The following ELAVL4 variants were observed in gnomAD, a reference collection of about 807,000 sequenced individuals.
ELAVL4 encodes the protein ELAV like RNA binding protein 4.
A neutral mutation model predicts 35.6 loss-of-function variants in ELAVL4; 1 was observed. That is an observed-to-expected ratio of 0.03 (90% CI 0.01 to 0.13). ELAVL4 has a LOEUF of 0.13. Among genes scored for constraint, ELAVL4 ranks in the 10% least tolerant of loss-of-function variants. The pLI, the probability that ELAVL4 is intolerant of heterozygous loss-of-function variation, is 1.00. For synonymous variants in ELAVL4, 156 were observed against 171.0 expected (o/e 0.91, Z 0.69); for missense variants, 267 against 464.9 (o/e 0.57, Z 3.91).
chr1:50,156,316 G>T (rs1675738138), intron 2 of ELAVL4, among the ~76,000 whole-genome samples: 1 of 152,168 alleles, frequency 6.6e-6, no homozygotes, highest in African/African-American at 2.4e-5. Context: ...TACCTTCTTT[G>T]GATGGTACTT....
chr1:50,126,710 A>G (rs2148617456), intron 1 of ELAVL4, among the ~76,000 whole-genome samples: 1 of 152,256 alleles, frequency 6.6e-6, no homozygotes, highest in Middle Eastern at 3.4e-3. Context: ...TTGAAGAGAA[A>G]GAGAGAAAAA....
intron 1 of ELAVL4, among the ~76,000 whole-genome samples, chr1:50,114,284 T>C (rs1370811820): frequency 2.0e-5 from 3 of 152,084 alleles, no homozygotes; most frequent in African/African-American, 7.2e-5. Flanking sequence ...CATTTGAACC[T>C]AGTCTTTACC....
chr1:50,187,905 GGCCA>G, intron 3 of ELAVL4, among the ~76,000 whole-genome samples: 1 of 152,282 alleles, frequency 6.6e-6, no homozygotes, highest in Middle Eastern at 3.4e-3. Flanking sequence ...AGACCAACCT[GGCCA>G]ACATAGTGAA....
chr1:50,127,179 T>C (rs1670082929), intron 1 of ELAVL4, among the ~76,000 whole-genome samples: 1 of 152,104 alleles, frequency 6.6e-6, no homozygotes, highest in Non-Finnish European at 1.5e-5. Context: ...CTCTAAACTC[T>C]CCTAGCACCC....
At chr1:50,127,240 C>T (rs974113373) in intron 1 of ELAVL4, among the ~76,000 whole-genome samples, 7 of 152,070 alleles carry the variant, frequency 4.6e-5, no homozygotes, top group Non-Finnish European at 5.9e-5. Flanking sequence ...GTTGAATTCC[C>T]CATGTACTGC....
intron 2 of ELAVL4, among the ~76,000 whole-genome samples, chr1:50,166,144 G>T (rs888811722): frequency 2.0e-5 from 3 of 151,676 alleles, no homozygotes; most frequent in Non-Finnish European, 4.4e-5. Flanking sequence ...TCACAGACAC[G>T]CCCAGGATCA....
chr1:50,148,560 G>A (rs1236392813), intron 2 of ELAVL4, among the ~76,000 whole-genome samples: 2 of 152,046 alleles, frequency 1.3e-5, no homozygotes, highest in African/African-American at 4.8e-5. Flanking sequence ...TTTTCCAATT[G>A]GGAAAGGACA....
chr1:50,058,190 G>A (rs1346348609), intron 1 of ELAVL4, among the ~76,000 whole-genome samples: 1 of 152,150 alleles, frequency 6.6e-6, no homozygotes, highest in Non-Finnish European at 1.5e-5. Context: ...ACCATGATCT[G>A]CTTTTATAGA....
intron 2 of ELAVL4, among the ~76,000 whole-genome samples, chr1:50,157,265 GTGCATAAAATGGAGA>G (rs1253888281): frequency 6.6e-6 from 1 of 152,140 alleles, no homozygotes; most frequent in African/African-American, 2.4e-5. Flanking sequence ...TCAGGTTGTT[GTGCATAAAATGGAGA>G]TAATACTGAC....
At chr1:50,187,149 G>T (rs1681957749) in intron 3 of ELAVL4, among the ~76,000 whole-genome samples, 1 of 152,188 alleles carries the variant, frequency 6.6e-6, no homozygotes, top group African/African-American at 2.4e-5. Context: ...TATGCACTCA[G>T]AGAAAAGGGT....
At chr1:50,069,168 C>T (rs547572332) in intron 1 of ELAVL4, among the ~76,000 whole-genome samples, 1 of 152,260 alleles carries the variant, frequency 6.6e-6, no homozygotes, top group East Asian at 1.9e-4. Context: ...GTAACAGCAG[C>T]ATCATTTACC....
rs150843786 is a variant in ELAVL4 at position 50,160,317 on chromosome 1, A to G, written c.250+15120A>G. On this transcript the variant is annotated intron_variant, in intron 2 of 6. Transcript: ENST00000371824. ...CCCGCAATTTCTACCCTAAAGACCT[A>G]TTTCTGCATGAGTTGTTCTTGGGTT... Among the ~76,000 whole-genome samples, 29 of 152,120 alleles carry G rather than the reference A, an allele frequency of 1.9e-4. No homozygotes were observed. The East Asian group carries it at 5.2e-3, about 27-fold the overall frequency.
At chr1:50,157,898 G>A (rs957958564) in intron 2 of ELAVL4, among the ~76,000 whole-genome samples, 1 of 152,152 alleles carries the variant, frequency 6.6e-6, no homozygotes, top group Admixed American at 6.5e-5. Context: ...GGAAGAGGAG[G>A]TATAGGGTGT....
intron 2 of ELAVL4, among the ~76,000 whole-genome samples, chr1:50,169,486 C>T (rs541622628): frequency 6.6e-6 from 1 of 152,300 alleles, no homozygotes; most frequent in South Asian, 2.1e-4. Flanking sequence ...AACTCACTAT[C>T]ATCTGAAAAA....
rs144854988 is a variant in ELAVL4 at position 50,068,297 on chromosome 1, G to A, written c.18+20115G>A. Among the ~76,000 whole-genome samples the A allele has an allele frequency of 3.5e-3, 534 of 152,242 alleles. 2 individuals are homozygous for A. Among genetic ancestry groups the A allele is most frequent in the Middle Eastern group, 6.8e-3 (2 of 294 alleles). On this transcript the variant is annotated intron_variant, in intron 1 of 6. Transcript: ENST00000448907. Reference sequence around the variant, plus strand: ...ATAAGGATGTCTTCATGCAAGAGCAGTCCACTTTGGTATGGCGGTGGGTGA... The same window carrying A: ...ATAAGGATGTCTTCATGCAAGAGCAATCCACTTTGGTATGGCGGTGGGTGA...
intron 2 of ELAVL4, chr1:50,175,694 T>C (rs1437908488): frequency 1.3e-5 from 2 of 152,186 alleles, no homozygotes; most frequent in Admixed American, 1.3e-4. Context: ...TATAACAAAG[T>C]CACCCATTTT....
At chr1:50,165,778 A>ATATGTGTG (rs1557817250) in intron 2 of ELAVL4, among the ~76,000 whole-genome samples, 1 of 137,698 alleles carries the variant, frequency 7.3e-6, no homozygotes, top group Non-Finnish European at 1.6e-5. Context: ...ATATGTGTGT[A>ATATGTGTG]TATATGTGTA....
At chr1:50,099,862 G>C (rs1250491930), upstream of ELAVL4, among the ~76,000 whole-genome samples, 1 of 152,114 alleles carries the variant, frequency 6.6e-6, no homozygotes, top group Non-Finnish European at 1.5e-5. Context: ...TAGGACCAAG[G>C]TTCTGTTATC....
At chr1:50,176,033 G>A (rs563510043) in intron 2 of ELAVL4, among the ~76,000 whole-genome samples, 1 of 152,216 alleles carries the variant, frequency 6.6e-6, no homozygotes, top group East Asian at 1.9e-4. Flanking sequence ...TTTCTTAAAG[G>A]GTATGTCAGA....
Sources: gnomAD v4.1 joint callset for allele counts (sites outside exome capture counted in the v4.1 genomes callset) on GRCh38, gnomAD v4.1.1 for gene constraint, MANE v1.5 for transcripts, NCBI Gene and HGNC (gene_info 2026-07-23, HGNC 2026-07-21) for gene names.